GRIP1: variants seen among roughly 807,000 people sequenced by gnomAD.
The protein encoded by GRIP1 is glutamate receptor interacting protein 1.
A neutral mutation model predicts 129.9 loss-of-function variants in GRIP1; 45 were observed. The ratio of observed to expected loss-of-function variants is 0.35; its 90% CI spans 0.27 to 0.44. The LOEUF is 0.44. Among genes scored for constraint, GRIP1 ranks in the 20% least tolerant of loss-of-function variants. The pLI is 1.00. For missense variants in GRIP1, 1,196 were observed against 1,396.8 expected (o/e 0.86, Z 2.29); for synonymous variants, 530 against 520.8 (o/e 1.02, Z -0.24).
chr12:66,791,984 G>T (rs931441326), intron 1 of GRIP1, among the ~76,000 whole-genome samples: 1 of 152,068 alleles, frequency 6.6e-6, no homozygotes, highest in Non-Finnish European at 1.5e-5. Flanking sequence ...TGACTGGTAG[G>T]GAATTGAAGG....
rs553674229 is a variant in GRIP1 at position 66,991,689 on chromosome 12, A to G, written c.58+77361T>C. 1.5e-4 allele frequency among the ~76,000 whole-genome samples: 23 copies of G among 152,354 alleles called. No individual in the cohort carries two copies. The East Asian group carries it at 4.4e-3, about 29-fold the overall frequency. On this transcript the variant is annotated intron_variant, in intron 1 of 1. Coordinates refer to the GRIP1 transcript ENST00000643019. ...ATGATTTATTAATAACAGTGTTGAA[A>G]TAGAGACAGCTGGATATTTAATGGT...
chr12:66,438,503 T>G (rs2058377344), intron 13 of GRIP1, among the ~76,000 whole-genome samples: 1 of 142,022 alleles, frequency 7.0e-6, no homozygotes, highest in African/African-American at 2.4e-5. Context: ...TTTTTTTTTT[T>G]TTGAGACGGA....
At position 66,862,008 on chromosome 12, in the gene GRIP1, C is replaced by A. The variant is rs182463121; in HGVS notation, c.58+207042G>T. 1.1e-4 allele frequency among the ~76,000 whole-genome samples: 17 copies of A among 152,098 alleles called. No homozygotes were observed. In the East Asian group the frequency reaches 3.1e-3, roughly 28 times the overall value. On this transcript the variant is annotated intron_variant, in intron 1 of 1. Coordinates refer to the GRIP1 transcript ENST00000643019. ...AGAACAGATCATTTAGGTCTCAGGT[C>A]TCATGCAGTCTTCAATTAAAAAAAA...
At chr12:66,764,944 T>A (rs2037584869) in intron 1 of GRIP1, among the ~76,000 whole-genome samples, 1 of 152,262 alleles carries the variant, frequency 6.6e-6, no homozygotes, top group South Asian at 2.1e-4. Flanking sequence ...AAGTGCTTTA[T>A]GTGAATTAGC....
intron 2 of GRIP1, among the ~76,000 whole-genome samples, chr12:66,547,088 T>G (rs1487655317): frequency 6.6e-6 from 1 of 152,138 alleles, no homozygotes; most frequent in Non-Finnish European, 1.5e-5. Context: ...AACAATCTAA[T>G]TAGAAAATGG....
At chr12:66,966,838 C>G (rs945228050) in intron 1 of GRIP1, among the ~76,000 whole-genome samples, 1 of 152,124 alleles carries the variant, frequency 6.6e-6, no homozygotes, top group African/African-American at 2.4e-5. Context: ...CTGTGAGTAA[C>G]TACCATAAAG....
intron 7 of GRIP1, among the ~76,000 whole-genome samples, chr12:66,477,825 AGG>A (rs2138510239): frequency 6.6e-6 from 1 of 152,326 alleles, no homozygotes; most frequent in African/African-American, 2.4e-5. Flanking sequence ...GGCTAGCCAT[AGG>A]TAGAAAGCTG....
Position 66,559,206 on chromosome 12 carries a change from A to C in GRIP1, c.137-17256T>G, listed in dbSNP as rs11176262. 4.6e-3 allele frequency among the ~76,000 whole-genome samples: 702 copies of C among 151,708 alleles called. 2 individuals are homozygous for C. The highest frequency in any genetic ancestry group is 7.2e-3 in the Non-Finnish European group (489 of 67,884). ...ACCTCAACATAATAAAAACCATATA[A>C]GGCAGACCCACAGCTAACATCATGC... On this transcript the variant is annotated intron_variant, in intron 2 of 24. Transcript: ENST00000359742.
chr12:66,425,475 ATATACCCAAAGGAT>A (rs1419589256), intron 14 of GRIP1, among the ~76,000 whole-genome samples: 29 of 152,326 alleles, frequency 1.9e-4, no homozygotes, highest in Non-Finnish European at 4.1e-4. Flanking sequence ...ATTACTGGGT[ATATACCCAAAGGAT>A]TATAAATCAT....
At chr12:66,870,561 A>G (rs945608968) in intron 1 of GRIP1, among the ~76,000 whole-genome samples, 1 of 152,136 alleles carries the variant, frequency 6.6e-6, no homozygotes, top group Non-Finnish European at 1.5e-5. Context: ...CTTTAGTTCT[A>G]GTTTTGAAGT....
intron 1 of GRIP1, chr12:67,068,960 C>T (rs957004672): frequency 9.4e-6 from 5 of 532,952 alleles, no homozygotes; most frequent in Non-Finnish European, 1.2e-5. Context: ...GGCGGGTGGA[C>T]GGGTCGGGAG....
At chr12:66,877,229 T>C (rs888479035) in intron 1 of GRIP1, among the ~76,000 whole-genome samples, 8 of 152,192 alleles carry the variant, frequency 5.3e-5, no homozygotes, top group Middle Eastern at 3.4e-3. Context: ...TCTGACTATT[T>C]CATTAGGTCT....
chr12:67,061,082 T>C (rs17103271), intron 1 of GRIP1, among the ~76,000 whole-genome samples: 2,405 of 152,278 alleles, frequency 0.016, 70 homozygotes, highest in African/African-American at 0.055. Flanking sequence ...CATTGTAACT[T>C]TGTTGCATTA....
At chr12:66,503,223 G>T (rs1297278761) in intron 7 of GRIP1, among the ~76,000 whole-genome samples, 1 of 152,148 alleles carries the variant, frequency 6.6e-6, no homozygotes, top group Non-Finnish European at 1.5e-5. Context: ...AATTGGGCGA[G>T]TGAACCGGGC....
At chr12:66,700,178 T>C (rs1173284158) in intron 1 of GRIP1, among the ~76,000 whole-genome samples, 1 of 151,848 alleles carries the variant, frequency 6.6e-6, no homozygotes, top group African/African-American at 2.4e-5. Context: ...AAAATAAAGT[T>C]AGAGAAAAGG....
At chr12:66,962,855 G>T (rs1326723594) in intron 1 of GRIP1, among the ~76,000 whole-genome samples, 1 of 152,114 alleles carries the variant, frequency 6.6e-6, no homozygotes, top group African/African-American at 2.4e-5. Flanking sequence ...AAAGTTCAAT[G>T]TGTATTTTAA....
Position 66,444,571 on chromosome 12 carries a change from G to C in GRIP1, c.1687+13C>G. On this transcript the variant is annotated intron_variant, in intron 13 of 24. Coordinates refer to ENST00000359742, the MANE Select transcript of GRIP1 (RefSeq NM_001366722.1). ...CTCACATGCAGTCCACTCCTGAGAT[G>C]ATATGATTATACCTGCAACATCAAA... 6.3e-7 allele frequency: 1 copy of C among 1,594,966 alleles called. No individual in the cohort carries two copies. Among genetic ancestry groups the C allele is most frequent in the Non-Finnish European group, 8.5e-7 (1 of 1,174,172 alleles).
At chr12:67,029,813 ATT>A (rs1036513049) in intron 1 of GRIP1, among the ~76,000 whole-genome samples, 3 of 151,868 alleles carry the variant, frequency 2.0e-5, no homozygotes, top group Admixed American at 1.3e-4. Context: ...CTATTTTAGT[ATT>A]TTTTTGTATT....
chr12:66,947,920 G>C (rs1323917333), intron 1 of GRIP1, among the ~76,000 whole-genome samples: 1 of 152,140 alleles, frequency 6.6e-6, no homozygotes, highest in Non-Finnish European at 1.5e-5. Context: ...AGTTGCTCCT[G>C]CACTATCTTT....
Sources: gnomAD v4.1 joint callset for allele counts (sites outside exome capture counted in the v4.1 genomes callset) on GRCh38, gnomAD v4.1.1 for gene constraint, MANE v1.5 for transcripts, NCBI Gene and HGNC (gene_info 2026-07-23, HGNC 2026-07-21) for gene names.